Variants in UVRAG observed in about 807,000 individuals in gnomAD.
UVRAG encodes the protein UV radiation resistance associated, also known as UV radiation resistance-associated gene protein.
UVRAG carries 19 observed loss-of-function variants against 78.0 expected under a neutral mutation model. The ratio of observed to expected loss-of-function variants is 0.24; its 90% confidence interval spans 0.17 to 0.36. The LOEUF (loss-of-function observed/expected upper bound fraction) is 0.36. UVRAG is among the 10% of genes least tolerant of loss of function. UVRAG has a pLI of 1.00. For missense variants in UVRAG, 740 were observed against 853.8 expected (o/e 0.87, Z 1.66); for synonymous variants, 323 against 324.6 (o/e 1.00, Z 0.05).
chr11:76,005,335 G>A (rs570269776), intron 9 of UVRAG, among the ~76,000 whole-genome samples: 1 of 151,340 alleles, frequency 6.6e-6, no homozygotes. Context: ...AGAGCGAGAC[G>A]CCATCTTAAA....
chr11:76,128,507 G>A (rs1276241168), intron 14 of UVRAG, among the ~76,000 whole-genome samples: 2 of 152,234 alleles, frequency 1.3e-5, no homozygotes, highest in African/African-American at 2.4e-5. Context: ...AGAAGGCTTA[G>A]CAATATGGTC....
At chr11:75,821,966 C>CAG (rs1362802270) in intron 1 of UVRAG, among the ~76,000 whole-genome samples, 3 of 116,176 alleles carry the variant, frequency 2.6e-5, no homozygotes, top group Non-Finnish European at 5.1e-5. Flanking sequence ...TTTTTTGAGA[C>CAG]AGAGTTTCGC....
chr11:75,994,798 TCA>T (rs1278407336), intron 8 of UVRAG, among the ~76,000 whole-genome samples: 7 of 152,216 alleles, frequency 4.6e-5, no homozygotes, highest in Non-Finnish European at 1.0e-4. Context: ...CCGGGTCAAC[TCA>T]CAGTTTGCTG....
chr11:76,057,829 C>T (rs986377429), intron 12 of UVRAG, among the ~76,000 whole-genome samples: 7 of 152,130 alleles, frequency 4.6e-5, no homozygotes, highest in African/African-American at 1.7e-4. Flanking sequence ...CTTTTGGTCA[C>T]TTCCCTTACT....
chr11:75,835,921 G>T (rs1008154547), intron 1 of UVRAG, among the ~76,000 whole-genome samples: 3 of 151,906 alleles, frequency 2.0e-5, no homozygotes, highest in Admixed American at 2.0e-4. Flanking sequence ...GTGAAACCCT[G>T]TCTCTACTTA....
intron 12 of UVRAG, among the ~76,000 whole-genome samples, chr11:76,039,029 A>G (rs1032722804): frequency 6.6e-6 from 1 of 152,212 alleles, no homozygotes; most frequent in Non-Finnish European, 1.5e-5. Flanking sequence ...ACCTACAGAA[A>G]CCATGAGATA....
chr11:75,938,063 G>GTA lies in UVRAG; in HGVS notation c.594-23373_594-23372dup, dbSNP rs1265146575. On this transcript the variant is annotated intron_variant, in intron 6 of 14. Transcript: ENST00000356136. ...ATCCATCCTTTAAAAATATGTGTGT[G>GTA]TATATATATGTATATGTATATACAC... is the stretch of plus-strand genomic sequence containing the variant. 2.7e-5 allele frequency among the ~76,000 whole-genome samples: 4 copies of GTA among 150,056 alleles called. No homozygotes were observed. In the East Asian group the frequency reaches 7.7e-4, roughly 29 times the overall value.
At chr11:75,914,295 G>A (rs552515007) in intron 6 of UVRAG, 17 of 152,224 alleles carry the variant, frequency 1.1e-4, no homozygotes, top group African/African-American at 3.9e-4. Flanking sequence ...CTAGTTCGTG[G>A]TTTCCTCTCT....
At chr11:75,876,072 C>T (rs888196940) in intron 3 of UVRAG, among the ~76,000 whole-genome samples, 9 of 151,912 alleles carry the variant, frequency 5.9e-5, no homozygotes, top group African/African-American at 2.2e-4. Context: ...ATAGATCCGT[C>T]ATGGCTTCAC....
At chr11:76,119,969 G>C (rs77120818) in intron 14 of UVRAG, among the ~76,000 whole-genome samples, 9,260 of 152,226 alleles carry the variant, frequency 0.061, 514 homozygotes, top group African/African-American at 0.15. Context: ...TCCTGTCGCT[G>C]TACTGGCCTC....
chr11:75,882,206 CA>C (rs1435559389), intron 4 of UVRAG, among the ~76,000 whole-genome samples: 1 of 152,036 alleles, frequency 6.6e-6, no homozygotes, highest in Non-Finnish European at 1.5e-5. Context: ...TGCATTTTTT[CA>C]GGTTAAAAAT....
At chr11:75,921,256 A>G (rs1947973774) in intron 6 of UVRAG, among the ~76,000 whole-genome samples, 1 of 152,180 alleles carries the variant, frequency 6.6e-6, no homozygotes, top group South Asian at 2.1e-4. Context: ...TACTAATTTG[A>G]TGAGTGTAAA....
At chr11:75,878,043 G>A (rs1193875514) in intron 3 of UVRAG, among the ~76,000 whole-genome samples, 1 of 150,824 alleles carries the variant, frequency 6.6e-6, no homozygotes, top group East Asian at 2.0e-4. Context: ...GCCGGGCGGA[G>A]GGGCTCCTCA....
rs1234309498 is a variant in UVRAG, at chr11:76,144,174, T to G, written c.*2761T>G. On this transcript the variant is annotated 3_prime_UTR_variant, in exon 15 of 15. Coordinates refer to ENST00000356136, the MANE Select transcript of UVRAG (RefSeq NM_003369.4). The stretch of plus-strand genomic sequence containing the variant: ...ATAAATGGCATGTGAAACTGATCTG[T>G]TGGTAACTGGAAGAAAACTCAGCAT... 6.6e-6 allele frequency among the ~76,000 whole-genome samples: 1 copy of G among 152,242 alleles called. No individual in the cohort carries two copies. Among genetic ancestry groups the G allele is most frequent in the Admixed American group, 6.5e-5 (1 of 15,288 alleles).
In UVRAG at chr11:76,078,637, C is replaced by T. The variant is rs182972597; in HGVS notation, c.1305+12849C>T. ...TTCAAGGTTAGACCGGGTGCGGTGG[C>T]TCACACCTGTAATCCCAGCACTTTG... On this transcript the variant is annotated intron_variant, in intron 13 of 14. Coordinates refer to ENST00000356136, the MANE Select transcript of UVRAG (RefSeq NM_003369.4). 7.0e-3 allele frequency among the ~76,000 whole-genome samples: 1,064 copies of T among 151,266 alleles called. 15 individuals are homozygous for T. The highest frequency in any genetic ancestry group is 0.025 in the African/African-American group (1,015 of 41,206).
rs756788721 is a variant in UVRAG, at chr11:76,141,677, G to A, written c.*264G>A. Reference sequence around the variant, plus strand: ...CTCTAGTTGAAAGAGCTTACAGCTCGAGTCACCTTTTAGCTATTTGTCTGC... The same window carrying A: ...CTCTAGTTGAAAGAGCTTACAGCTCAAGTCACCTTTTAGCTATTTGTCTGC... On this transcript the variant is annotated 3_prime_UTR_variant, in exon 15 of 15. Coordinates refer to ENST00000356136, the MANE Select transcript of UVRAG (RefSeq NM_003369.4). 2.5e-5 allele frequency: 12 copies of A among 475,304 alleles called. No homozygotes were observed. Among genetic ancestry groups the A allele is most frequent in the Non-Finnish European group, 4.1e-5 (11 of 267,172 alleles). The allele number at this position is 475,304 out of a possible 1,614,324, so 29.4% of individuals were successfully genotyped here. A position where few individuals can be genotyped will look rare whatever the true frequency, so the allele number is the denominator to read the frequency against.
intron 5 of UVRAG, among the ~76,000 whole-genome samples, chr11:75,897,182 G>A (rs971079762): frequency 6.6e-6 from 1 of 152,194 alleles, no homozygotes; most frequent in African/African-American, 2.4e-5. Flanking sequence ...ATCGTCTCGA[G>A]TACATAGGCT....
At chr11:75,863,061 A>T (rs1371034187) in intron 3 of UVRAG, among the ~76,000 whole-genome samples, 1 of 152,186 alleles carries the variant, frequency 6.6e-6, no homozygotes, top group Non-Finnish European at 1.5e-5. Flanking sequence ...GGACTGCAGG[A>T]CCAGAACCCC....
Position 75,935,821 on chromosome 11 carries a change from C to G in UVRAG, c.593+23782C>G, listed in dbSNP as rs753468717. 8.3e-4 allele frequency among the ~76,000 whole-genome samples: 126 copies of G among 152,116 alleles called. 2 individuals are homozygous for G. The highest frequency in any genetic ancestry group is 2.5e-4 in the Non-Finnish European group (17 of 67,996). On this transcript the variant is annotated intron_variant, in intron 6 of 14. Transcript: ENST00000356136. The stretch of plus-strand genomic sequence containing the variant: ...CATCCTTCTAGATAACCATAGTATG[C>G]CCATGAAAACCAGGACATTAACCTT...
Sources: gnomAD v4.1 joint callset for allele counts (sites outside exome capture counted in the v4.1 genomes callset) on GRCh38, gnomAD v4.1.1 for gene constraint, MANE v1.5 for transcripts, NCBI Gene and HGNC (gene_info 2026-07-23, HGNC 2026-07-21) for gene names.